The following LRP1B variants were observed in gnomAD, a reference collection of about 807,000 sequenced individuals.
LRP1B encodes low-density lipoprotein receptor-related protein 1B.
Under a neutral mutation model 556.6 loss-of-function variants are expected in LRP1B, and 217 were observed. The observed-to-expected ratio is 0.39, with a 90% CI of 0.35 to 0.44. The LOEUF is 0.44. Ranked by LOEUF, LRP1B falls within the 20% of genes least tolerant of loss-of-function variation. The probability of loss-of-function intolerance (pLI) is 1.00; values close to 1 mark genes in which losing one functional copy is unlikely to be tolerated. For synonymous variants in LRP1B, 2,047 were observed against 1,865.8 expected (o/e 1.10, Z -2.50); for missense variants, 5,053 against 5,620.8 (o/e 0.90, Z 3.23).
chr2:140,332,305 T>G (rs1234228743), intron 79 of LRP1B, among the ~76,000 whole-genome samples: 2 of 124,192 alleles, frequency 1.6e-5, no homozygotes, highest in Admixed American at 7.6e-5. Flanking sequence ...ATATGCCTCA[T>G]TTTTTTTTCT....
intron 2 of LRP1B, among the ~76,000 whole-genome samples, chr2:141,554,751 C>T (rs907969046): frequency 1.3e-5 from 2 of 151,870 alleles, no homozygotes; most frequent in African/African-American, 4.8e-5. Flanking sequence ...AAAATGACTG[C>T]CTTGAATAGT....
intron 7 of LRP1B, among the ~76,000 whole-genome samples, chr2:141,137,286 A>G (rs1409446578): frequency 6.6e-6 from 1 of 151,936 alleles, no homozygotes; most frequent in Non-Finnish European, 1.5e-5. Context: ...AAGTGCCCAC[A>G]TATCTGTAGG....
At chr2:141,791,725 G>A (rs150762167) in intron 2 of LRP1B, among the ~76,000 whole-genome samples, 2 of 152,136 alleles carry the variant, frequency 1.3e-5, no homozygotes, top group East Asian at 1.9e-4. Context: ...ACACAGAGCA[G>A]ACGTACAACA....
intron 41 of LRP1B, among the ~76,000 whole-genome samples, chr2:140,605,334 C>A (rs2105209992): frequency 6.6e-6 from 1 of 152,168 alleles, no homozygotes; most frequent in South Asian, 2.1e-4. Flanking sequence ...TATTCCACAT[C>A]TATATTAACT....
chr2:141,255,335 TATAA>T (rs1360427566), intron 3 of LRP1B, among the ~76,000 whole-genome samples: 1 of 151,920 alleles, frequency 6.6e-6, no homozygotes, highest in Non-Finnish European at 1.5e-5. Flanking sequence ...AAAATAGGGG[TATAA>T]ATAGATTGCT....
intron 25 of LRP1B, among the ~76,000 whole-genome samples, chr2:140,881,678 A>T (rs1399579832): frequency 4.6e-5 from 7 of 152,112 alleles, no homozygotes; most frequent in Non-Finnish European, 1.0e-4. Context: ...CAATGTAATT[A>T]TCTTAATTAG....
intron 41 of LRP1B, among the ~76,000 whole-genome samples, chr2:140,649,650 C>G (rs938830134): frequency 1.3e-5 from 2 of 152,208 alleles, no homozygotes; most frequent in Non-Finnish European, 2.9e-5. Flanking sequence ...TGCCATAACA[C>G]TTAGCTTTAA....
intron 32 of LRP1B, among the ~76,000 whole-genome samples, chr2:140,811,816 A>G (rs968468093): frequency 3.3e-5 from 5 of 152,150 alleles, no homozygotes; most frequent in African/African-American, 1.2e-4. Flanking sequence ...ACTGTAAAAT[A>G]ACCTATTTGT....
chr2:141,623,155 C>G (rs1019744357), intron 2 of LRP1B, among the ~76,000 whole-genome samples: 2 of 151,650 alleles, frequency 1.3e-5, no homozygotes, highest in African/African-American at 2.4e-5. Context: ...AATCTGTCTT[C>G]AAAGCTGTGA....
Position 141,743,486 on chromosome 2 carries a change from C to CT in LRP1B, c.205+66792dup, listed in dbSNP as rs765968445. On this transcript the variant is annotated intron_variant, in intron 2 of 90. Transcript: ENST00000389484. ...TAAGTATTCTCTCCTCTGCTTTTTTCTTTTTTTTTTTTTTCTTTTTTTTTT... is the reference window on the plus strand; with the variant it reads ...TAAGTATTCTCTCCTCTGCTTTTTTCTTTTTTTTTTTTTTTCTTTTTTTTTT... 6.9e-3 allele frequency among the ~76,000 whole-genome samples: 743 copies of CT among 107,612 alleles called. 2 individuals are homozygous for CT. The highest frequency in any genetic ancestry group is 0.011 in the East Asian group (39 of 3,590). 70.6% of individuals were successfully genotyped at this position (107,612 alleles called of 152,430 possible). A position where few individuals can be genotyped will look rare whatever the true frequency, so the allele number is the denominator to read the frequency against.
intron 37 of LRP1B, among the ~76,000 whole-genome samples, chr2:140,706,808 G>A (rs893796108): frequency 7.4e-6 from 1 of 135,290 alleles, no homozygotes; most frequent in Non-Finnish European, 1.6e-5. Flanking sequence ...TCTAGATACA[G>A]GTATACTTTT....
intron 89 of LRP1B, among the ~76,000 whole-genome samples, chr2:140,237,145 C>G (rs147877307): frequency 1.3e-3 from 191 of 150,830 alleles, no homozygotes; most frequent in African/African-American, 4.5e-3. Context: ...GACTTTGTAC[C>G]CATTGAACAA....
chr2:140,816,760 T>A (rs1691138777), intron 31 of LRP1B, among the ~76,000 whole-genome samples: 1 of 152,106 alleles, frequency 6.6e-6, no homozygotes, highest in South Asian at 2.1e-4. Context: ...TTGTGAATTT[T>A]AAAAACTGGT....
intron 11 of LRP1B, among the ~76,000 whole-genome samples, chr2:141,044,959 A>G (rs1698822831): frequency 1.3e-5 from 2 of 150,636 alleles, no homozygotes; most frequent in South Asian, 4.2e-4. Context: ...TGCTATAAAG[A>G]CACAGGCACA....
intron 51 of LRP1B, among the ~76,000 whole-genome samples, chr2:140,510,379 C>A (rs1156358490): frequency 2.0e-5 from 3 of 152,118 alleles, no homozygotes; most frequent in South Asian, 2.1e-4. Flanking sequence ...TTTCTAAAGG[C>A]CTGAACTAGA....
chr2:140,383,038 A>C (rs1205161050), intron 67 of LRP1B, among the ~76,000 whole-genome samples: 2 of 152,196 alleles, frequency 1.3e-5, no homozygotes, highest in Non-Finnish European at 2.9e-5. Flanking sequence ...TGTACCATCT[A>C]TGTTTGTGTA....
chr2:140,309,857 A>G (rs978254187), intron 83 of LRP1B, among the ~76,000 whole-genome samples: 1 of 151,786 alleles, frequency 6.6e-6, no homozygotes, highest in Non-Finnish European at 1.5e-5. Context: ...GTTCTTTTTG[A>G]ATTTCAATTT....
At chr2:141,140,992 A>T (rs1045613641) in intron 7 of LRP1B, among the ~76,000 whole-genome samples, 3 of 152,114 alleles carry the variant, frequency 2.0e-5, no homozygotes, top group Non-Finnish European at 4.4e-5. Context: ...GTGGAGAGCA[A>T]TCAATCTCTC....
intron 67 of LRP1B, among the ~76,000 whole-genome samples, chr2:140,381,631 G>A (rs34719523): frequency 0.088 from 13,368 of 152,014 alleles, 691 homozygotes; most frequent in Middle Eastern, 0.14. Context: ...GGGAGGTTGA[G>A]GTGGGCAGAT....
Sources: gnomAD v4.1 joint callset for allele counts (sites outside exome capture counted in the v4.1 genomes callset) on GRCh38, gnomAD v4.1.1 for gene constraint, MANE v1.5 for transcripts, NCBI Gene and HGNC (gene_info 2026-07-23, HGNC 2026-07-21) for gene names.